ALG12: variants seen among roughly 807,000 people sequenced by gnomAD.
ALG12 encodes the protein dol-P-Man:Man(7)GlcNAc(2)-PP-Dol alpha-1,6-mannosyltransferase.
Under a neutral mutation model 46.0 loss-of-function variants are expected in ALG12, and 36 were observed. That is an observed-to-expected ratio of 0.78 (90% CI 0.60 to 1.03). The LOEUF is 1.03. Ranked by LOEUF, ALG12 falls within the 50% of genes least tolerant of loss-of-function variation. The probability of loss-of-function intolerance (pLI) is 0.00; values close to 1 mark genes in which losing one functional copy is unlikely to be tolerated. For missense variants in ALG12, 599 were observed against 633.5 expected (o/e 0.95, Z 0.58); for synonymous variants, 326 against 291.6 (o/e 1.12, Z -1.20).
chr22:49,884,703 C>T, the ALG12 span: 2 of 1,596,640 alleles, frequency 1.3e-6, no homozygotes, highest in Non-Finnish European at 1.7e-6. Flanking sequence ...GGGGCACGGG[C>T]ATCCCGCCAC....
the ALG12 span, among the ~76,000 whole-genome samples, chr22:49,863,715 C>T: frequency 6.6e-6 from 1 of 152,076 alleles, no homozygotes; most frequent in African/African-American, 2.4e-5. Flanking sequence ...TCTTCTTATC[C>T]ACTCTCTGGT....
At chr22:49,916,622 G>A (rs915928704) in intron 1 of ALG12, among the ~76,000 whole-genome samples, 2 of 152,134 alleles carry the variant, frequency 1.3e-5, no homozygotes, top group African/African-American at 2.4e-5. Flanking sequence ...GTTGGCTCAC[G>A]CCTGTAATTC....
At chr22:49,907,618 C>T in intron 7 of ALG12, 103 bp downstream of exon 7, 2 of 1,323,094 alleles carry the variant, frequency 1.5e-6, no homozygotes, top group Non-Finnish European at 2.1e-6. Flanking sequence ...GAGCAAGACC[C>T]TGTTTCAAAA....
the ALG12 span, chr22:49,888,145 A>G: frequency 6.0e-6 from 1 of 167,340 alleles, no homozygotes; most frequent in South Asian, 2.1e-4. Context: ...TTTTTATGAT[A>G]GGGAAGATGC....
the ALG12 span, among the ~76,000 whole-genome samples, chr22:49,875,118 A>T: frequency 2.0e-5 from 3 of 152,114 alleles, no homozygotes; most frequent in East Asian, 5.8e-4. Flanking sequence ...ATAGGGTATC[A>T]AGTTGTTTCT....
the ALG12 span, among the ~76,000 whole-genome samples, chr22:49,880,386 G>A: frequency 6.6e-5 from 10 of 152,232 alleles, no homozygotes; most frequent in Non-Finnish European, 1.3e-4. Flanking sequence ...GGTCTGCGTA[G>A]CTCCCTCCTC....
intron 4 of ALG12, 59 bp from the exon 5 acceptor site, chr22:49,910,147 C>T: frequency 6.6e-7 from 1 of 1,524,612 alleles, no homozygotes; most frequent in Non-Finnish European, 8.9e-7. Flanking sequence ...GCCCAGAAAA[C>T]ACCCGGGGAA....
the ALG12 span, among the ~76,000 whole-genome samples, chr22:49,877,728 A>T: frequency 1.3e-5 from 2 of 152,158 alleles, no homozygotes; most frequent in Admixed American, 6.5e-5. Flanking sequence ...GAATCTTCAT[A>T]TGGACATGCT....
chr22:49,909,176 C>T (rs905323947), intron 6 of ALG12, 68 bp downstream of exon 6: 2 of 1,492,320 alleles, frequency 1.3e-6, no homozygotes, highest in African/African-American at 1.4e-5. Flanking sequence ...TTCCACTGCC[C>T]ATGGAGGCCC....
At chr22:49,910,140 C>T (rs1249752905) in intron 4 of ALG12, 52 bp from the exon 5 acceptor site, 3 of 1,535,698 alleles carry the variant, frequency 2.0e-6, no homozygotes, top group South Asian at 2.4e-5. Context: ...CCACCCGGCC[C>T]AGAAAACACC....
rs1316719395 is a variant in ALG12 at position 49,900,413 on chromosome 22, T to G, written c.*3425A>C. 6.6e-6 allele frequency: 1 copy of G among 151,604 alleles called. No homozygotes were observed. Among genetic ancestry groups the G allele is most frequent in the Non-Finnish European group, 1.5e-5 (1 of 67,952 alleles). 9.4% of individuals were successfully genotyped at this position (151,604 alleles called of 1,614,324 possible). A position where few individuals can be genotyped will look rare whatever the true frequency, so the allele number is the denominator to read the frequency against. The stretch of plus-strand genomic sequence containing the variant: ...CTACAAACCTAACAGGATGGGGGTG[T>G]GGGGTATGGTGGGAGGCACAAGACT... On this transcript the variant is annotated 3_prime_UTR_variant, in exon 10 of 10. Coordinates refer to ENST00000330817, the MANE Select transcript of ALG12 (RefSeq NM_024105.4).
rs760973218 is a variant in ALG12, at chr22:49,909,298, C to T, written c.714G>A (p.Pro238=). 78 of 1,614,098 alleles carry T rather than the reference C, an allele frequency of 4.8e-5. No individual in the cohort carries two copies. Among genetic ancestry groups the T allele is most frequent in the Admixed American group, 8.3e-5 (5 of 60,008 alleles). ...TGTTGTACCAAAGCACCTTTCCTTCCGGCCAAGTGAGCTGCCGCCAAAAAT... is the reference window on the plus strand; with the variant it reads ...TGTTGTACCAAAGCACCTTTCCTTCTGGCCAAGTGAGCTGCCGCCAAAAAT... ...DSYFWRQLTW[P]EGKVLWYNTV... Residue 238 remains proline (P), a synonymous_variant, in exon 6 of 10, where the codon CCG becomes CCA. Coordinates refer to ENST00000330817, the MANE Select transcript of ALG12 (RefSeq NM_024105.4).
the ALG12 span, among the ~76,000 whole-genome samples, chr22:49,863,543 C>T: frequency 2.0e-5 from 3 of 151,756 alleles, no homozygotes; most frequent in Non-Finnish European, 4.4e-5. Flanking sequence ...AGGAGAATTG[C>T]TTGAACCGGG....
At chr22:49,885,156 G>A in the ALG12 span, 4 of 1,613,710 alleles carry the variant, frequency 2.5e-6, no homozygotes, top group African/African-American at 1.3e-5. Flanking sequence ...GCTGCCTGAT[G>A]AGACATCTCT....
chr22:49,864,950 C>CTCCG, the ALG12 span, among the ~76,000 whole-genome samples: 13 of 74,750 alleles, frequency 1.7e-4, 1 homozygote, highest in African/African-American at 3.4e-4. Context: ...CCCCCCCCCC[C>CTCCG]CCGTGAAGTC....
chr22:49,874,338 C>T, the ALG12 span, among the ~76,000 whole-genome samples: 11 of 151,728 alleles, frequency 7.2e-5, no homozygotes, highest in Non-Finnish European at 1.3e-4. Flanking sequence ...TTTTCTACAT[C>T]GAATGACGTG....
At chr22:49,885,682 T>G in the ALG12 span, 209 of 1,611,716 alleles carry the variant, frequency 1.3e-4, no homozygotes, top group Non-Finnish European at 1.7e-4. Context: ...CCAGCCATAT[T>G]CTTTTGTAGA....
chr22:49,913,550 G>A (rs1249400207), intron 2 of ALG12, 33 bp from the exon 3 acceptor site: 7 of 1,613,942 alleles, frequency 4.3e-6, no homozygotes, highest in Non-Finnish European at 5.9e-6. Context: ...GTGCACCGGG[G>A]CCCTGCCAGC....
At chr22:49,904,297 G>A (rs369301644) in intron 8 of ALG12, 40 bp downstream of exon 8, 48 of 1,614,114 alleles carry the variant, frequency 3.0e-5, no homozygotes, top group Middle Eastern at 1.6e-4. Flanking sequence ...CCCTGCAGTC[G>A]GAGCCACAGC....
Sources: gnomAD v4.1 joint callset for allele counts (sites outside exome capture counted in the v4.1 genomes callset) on GRCh38, gnomAD v4.1.1 for gene constraint, MANE v1.5 for transcripts, NCBI Gene and HGNC (gene_info 2026-07-23, HGNC 2026-07-21) for gene names.